SESTD1: variants seen among roughly 807,000 people sequenced by gnomAD.
SESTD1 encodes the protein SEC14 domain and spectrin repeat-containing protein 1.
A neutral mutation model predicts 101.7 loss-of-function variants in SESTD1; 43 were observed. The observed-to-expected ratio is 0.42, with a 90% CI of 0.33 to 0.55. The LOEUF (loss-of-function observed/expected upper bound fraction) is 0.55. Among genes scored for constraint, SESTD1 ranks in the 20% least tolerant of loss-of-function variants. The pLI, the probability that SESTD1 is intolerant of heterozygous loss-of-function variation, is 0.07. For missense variants in SESTD1, 647 were observed against 815.1 expected, an observed-to-expected ratio of 0.79 and a Z score of 2.51; for synonymous variants, 283 against 286.8, an observed-to-expected ratio of 0.99 and a Z score of 0.13.
At chr2:179,195,182 C>T (rs562415469) in intron 1 of SESTD1, among the ~76,000 whole-genome samples, 6 of 152,340 alleles carry the variant, frequency 3.9e-5, no homozygotes, top group Non-Finnish European at 7.3e-5. Flanking sequence ...CAAATCTCAT[C>T]GTCAATCCCC....
At chr2:179,201,791 G>T (rs1228182147) in intron 1 of SESTD1, among the ~76,000 whole-genome samples, 1 of 128,686 alleles carries the variant, frequency 7.8e-6, no homozygotes, top group African/African-American at 3.1e-5. Context: ...GGGTAGGGGG[G>T]AGGGATAGCA....
At chr2:179,145,092 ATTAT>A (rs1447005954) in intron 8 of SESTD1, among the ~76,000 whole-genome samples, 3 of 152,092 alleles carry the variant, frequency 2.0e-5, no homozygotes, top group Non-Finnish European at 2.9e-5. Context: ...TTACTTCTTT[ATTAT>A]TTATTACATT....
At chr2:179,114,933 A>C (rs1021877638) in intron 16 of SESTD1, 132 bp downstream of exon 16, 6 of 790,320 alleles carry the variant, frequency 7.6e-6, no homozygotes, top group Non-Finnish European at 1.2e-5. Flanking sequence ...ATATCTAAAC[A>C]AACCGTAACA....
In SESTD1 at chr2:179,211,531, T is replaced by C. The variant is rs1190078219; in HGVS notation, c.-25-19665A>G. Among the ~76,000 whole-genome samples, 2 of 133,464 alleles carry C rather than the reference T, an allele frequency of 1.5e-5. 1 individual carries two copies. The highest frequency in any genetic ancestry group is 3.2e-5 in the Non-Finnish European group (2 of 62,410). The allele number at this position is 133,464 out of a possible 152,430, so 87.6% of individuals were successfully genotyped here. A position where few individuals can be genotyped will look rare whatever the true frequency, so the allele number is the denominator to read the frequency against. ...CAAATATTTACAGCCAACTGAACTT[T>C]GACAAAGCAAACAAAAACATAAAAT... On this transcript the variant is annotated intron_variant, in intron 1 of 17. Coordinates refer to ENST00000428443, the MANE Select transcript of SESTD1 (RefSeq NM_178123.5).
In SESTD1 at chr2:179,222,748, C is replaced by T. The variant is rs576862648; in HGVS notation, c.-25-30882G>A. Among the ~76,000 whole-genome samples, 166 of 152,230 alleles carry T rather than the reference C, an allele frequency of 1.1e-3. 1 individual carries two copies. The highest frequency in any genetic ancestry group is 3.7e-3 in the African/African-American group (153 of 41,544). Reference sequence around the variant, plus strand: ...TAAGAGATCATTTAGTCTAACCTTTCCATGTTGTAGATAAGGAAACTAAAA... The same window carrying T: ...TAAGAGATCATTTAGTCTAACCTTTTCATGTTGTAGATAAGGAAACTAAAA... On this transcript the variant is annotated intron_variant, in intron 1 of 17. Coordinates refer to ENST00000428443, the MANE Select transcript of SESTD1 (RefSeq NM_178123.5).
chr2:179,164,730 AC>A (rs2045804756), intron 5 of SESTD1, among the ~76,000 whole-genome samples: 1 of 152,184 alleles, frequency 6.6e-6, no homozygotes, highest in South Asian at 2.1e-4. Context: ...TAAGGAGGTT[AC>A]CTAGAAGAAA....
chr2:179,226,287 T>A, intron 1 of SESTD1, among the ~76,000 whole-genome samples: 1 of 152,090 alleles, frequency 6.6e-6, no homozygotes, highest in Non-Finnish European at 1.5e-5. Context: ...CATTTAAGAC[T>A]GCTGAGAAGA....
At chr2:179,222,944 T>C (rs928980653) in intron 1 of SESTD1, among the ~76,000 whole-genome samples, 1 of 152,168 alleles carries the variant, frequency 6.6e-6, no homozygotes, top group Non-Finnish European at 1.5e-5. Context: ...TATTCATTAA[T>C]TTTAAATAAA....
Position 179,209,067 on chromosome 2 carries a change from G to A in SESTD1, c.-25-17201C>T, listed in dbSNP as rs535749026. ...AAATGGACACCAAAAGTGAGCAGGC[G>A]TGGCGTAGCTATTCTTCTATCAGAC... is the stretch of plus-strand genomic sequence containing the variant. On this transcript the variant is annotated intron_variant, in intron 1 of 17. Coordinates refer to ENST00000428443, the MANE Select transcript of SESTD1 (RefSeq NM_178123.5). Among the ~76,000 whole-genome samples the A allele has an allele frequency of 3.7e-5, 5 of 134,744 alleles. 2 individuals carry two copies. Among genetic ancestry groups the A allele is most frequent in the African/African-American group, 1.5e-4 (5 of 34,116 alleles). 88.4% of individuals were successfully genotyped at this position (134,744 alleles called of 152,430 possible).
intron 1 of SESTD1, among the ~76,000 whole-genome samples, chr2:179,241,849 G>C (rs2047158576): frequency 6.6e-6 from 1 of 151,764 alleles, no homozygotes. Context: ...ATGAACCCAG[G>C]AGGCGGAGCC....
chr2:179,186,381 C>A (rs571368239), intron 2 of SESTD1, among the ~76,000 whole-genome samples: 1 of 152,002 alleles, frequency 6.6e-6, no homozygotes. Context: ...AAGTTGATAA[C>A]TGAAGATAAA....
At chr2:179,184,930 G>A (rs1322474752) in intron 2 of SESTD1, among the ~76,000 whole-genome samples, 1 of 152,098 alleles carries the variant, frequency 6.6e-6, no homozygotes, top group African/African-American at 2.4e-5. Context: ...CCAGAGGGGT[G>A]AAAGCCAACA....
Position 179,112,839 on chromosome 2 carries a change from G to A in SESTD1, c.1846C>T (p.Gln616Ter). 1 of 1,607,550 alleles carries A rather than the reference G, an allele frequency of 6.2e-7. No homozygotes were observed. The highest frequency in any genetic ancestry group is 1.1e-5 in the South Asian group (1 of 89,976). The part of the protein sequence containing the change: ...AFHSNAEKIL[Q>*]DCPEEPEAIN... ...GCTTCAGGCTCTTCTGGACAGTCCT[G>A]CAAAATCTGCAACAAATAAAAGAGC... Residue 616 changes from glutamine (Q) to a stop codon, truncating the protein, a stop_gained, in exon 17 of 18, where the codon CAG (glutamine) becomes TAG (stop). Transcript: ENST00000428443. LOFTEE classifies it high-confidence loss of function.
At chr2:179,150,305 A>G (rs2045489908) in intron 6 of SESTD1, among the ~76,000 whole-genome samples, 1 of 152,178 alleles carries the variant, frequency 6.6e-6, no homozygotes, top group South Asian at 2.1e-4. Context: ...TTATTATTTA[A>G]TCTAAAATGA....
At chr2:179,263,364 T>C (rs576760520) in intron 1 of SESTD1, among the ~76,000 whole-genome samples, 46 of 152,322 alleles carry the variant, frequency 3.0e-4, no homozygotes, top group African/African-American at 8.7e-4. Flanking sequence ...TGTACCTTAT[T>C]ATGCATTCTT....
chr2:179,180,679 G>A (rs905202706), intron 3 of SESTD1, among the ~76,000 whole-genome samples: 1 of 152,098 alleles, frequency 6.6e-6, no homozygotes, highest in Non-Finnish European at 1.5e-5. Context: ...CAACTTTCCT[G>A]CATATATGAA....
chr2:179,130,189 A>G (rs1167057836), intron 10 of SESTD1, among the ~76,000 whole-genome samples: 1 of 152,190 alleles, frequency 6.6e-6, no homozygotes, highest in Admixed American at 6.5e-5. Context: ...TTTCTCTAAG[A>G]GACAGCTAGA....
At chr2:179,133,931 A>C (rs2045073439) in intron 9 of SESTD1, among the ~76,000 whole-genome samples, 1 of 149,144 alleles carries the variant, frequency 6.7e-6, no homozygotes, top group African/African-American at 2.6e-5. Context: ...AAAAATAACA[A>C]TACAACAATT....
At chr2:179,131,721 A>G (rs981705388) in intron 10 of SESTD1, among the ~76,000 whole-genome samples, 2 of 152,188 alleles carry the variant, frequency 1.3e-5, no homozygotes, top group Admixed American at 1.3e-4. Flanking sequence ...TAAATTTTAA[A>G]TTATCTTTAA....
Sources: gnomAD v4.1 joint callset for allele counts (sites outside exome capture counted in the v4.1 genomes callset) on GRCh38, gnomAD v4.1.1 for gene constraint, MANE v1.5 for transcripts, NCBI Gene and HGNC (gene_info 2026-07-23, HGNC 2026-07-21) for gene names.